The following SEPTIN7 variants were observed in gnomAD, a reference collection of about 807,000 sequenced individuals.
SEPTIN7 encodes septin 7.
SEPTIN7 carries 10 observed loss-of-function variants against 63.3 expected under a neutral mutation model. The observed-to-expected ratio is 0.16, with a 90% confidence interval of 0.10 to 0.27. The LOEUF is 0.27. Among genes scored for constraint, SEPTIN7 ranks in the 10% least tolerant of loss-of-function variants. The probability of loss-of-function intolerance (pLI) is 1.00; values close to 1 mark genes in which losing one functional copy is unlikely to be tolerated. For missense variants in SEPTIN7, 310 were observed against 521.0 expected, an observed-to-expected ratio of 0.59 and a Z score of 3.94; for synonymous variants, 131 against 165.3, an observed-to-expected ratio of 0.79 and a Z score of 1.59.
Position 35,904,809 on chromosome 7 carries a change from A to G in SEPTIN7, c.*516A>G, listed in dbSNP as rs2116405536. On this transcript the variant is annotated 3_prime_UTR_variant, in exon 14 of 14. Transcript: ENST00000350320. ...CATTGTTTAAAAATACACATGGAAA[A>G]AAAAAAAACCCTATATGCTTACTGT... is the stretch of plus-strand genomic sequence containing the variant. 6.6e-6 allele frequency: 1 copy of G among 152,600 alleles called. No homozygotes were observed. The highest frequency in any genetic ancestry group is 1.5e-5 in the Non-Finnish European group (1 of 67,984). 9.5% of individuals were successfully genotyped at this position (152,600 alleles called of 1,614,324 possible).
chr7:35,804,223 T>C (rs945497902), intron 1 of SEPTIN7, among the ~76,000 whole-genome samples: 32 of 152,228 alleles, frequency 2.1e-4, no homozygotes, highest in African/African-American at 7.2e-4. Flanking sequence ...TTTGAGAGGA[T>C]GTTATCCCCC....
intron 7 of SEPTIN7, among the ~76,000 whole-genome samples, chr7:35,881,970 G>A (rs188272229): frequency 2.1e-4 from 32 of 152,000 alleles, no homozygotes; most frequent in Admixed American, 1.6e-3. Context: ...CAATTTGTGT[G>A]TATGCACATG....
chr7:35,890,764 TAAC>T lies in SEPTIN7; in HGVS notation c.975_977del (p.Asn325del). The T allele has an allele frequency of 2.5e-6, 4 of 1,592,704 alleles. No individual in the cohort carries two copies. The South Asian group carries it at 3.4e-5, about 14-fold the overall frequency. ...CAGCTGTGACTTATAATGGAGTTGA[TAAC>T]AACAAGAATAAAGGGCAGCTGACTA... On this transcript the variant is annotated inframe_deletion, in exon 11 of 14. Transcript: ENST00000350320.
At position 35,804,491 on chromosome 7, in the gene SEPTIN7, C is replaced by A. The variant is rs1271855532; in HGVS notation, c.61+3221C>A. Among the ~76,000 whole-genome samples, 2 of 152,118 alleles carry A rather than the reference C, an allele frequency of 1.3e-5. 1 individual carries two copies. The highest frequency in any genetic ancestry group is 2.9e-5 in the Non-Finnish European group (2 of 68,030). ...CTTACACTTGGTGCAGTCCAGCTAT[C>A]CAGATGTAGGGATTACACATTGGGG... On this transcript the variant is annotated intron_variant, in intron 1 of 13. Coordinates refer to ENST00000350320, the MANE Select transcript of SEPTIN7 (RefSeq NM_001788.6).
intron 6 of SEPTIN7, among the ~76,000 whole-genome samples, chr7:35,876,381 T>A (rs1267193687): frequency 6.6e-6 from 1 of 152,218 alleles, no homozygotes; most frequent in Admixed American, 6.5e-5. Context: ...ATATCTGACA[T>A]AACAGCTTAA....
Position 35,873,695 on chromosome 7 carries a change from A to T in SEPTIN7, c.432A>T (p.Ala144=). 1 of 1,610,940 alleles carries T rather than the reference A, an allele frequency of 6.2e-7. No homozygotes were observed. Among genetic ancestry groups the T allele is most frequent in the Non-Finnish European group, 8.5e-7 (1 of 1,179,160 alleles). The change falls in exon 6 of 14, where the codon GCA becomes GCT. Residue 144 remains alanine (A), a synonymous_variant. Coordinates refer to ENST00000350320, the MANE Select transcript of SEPTIN7 (RefSeq NM_001788.6). ...GTAAATTTGAGGACTACCTAAATGCAGAATCACGAGTGAACAGACGTCAGA... is the reference window on the plus strand; with the variant it reads ...GTAAATTTGAGGACTACCTAAATGCTGAATCACGAGTGAACAGACGTCAGA... ...IDSKFEDYLN[A]ESRVNRRQMP... is the part of the protein sequence containing the mutation.
At chr7:35,904,113 A>G (rs1274003489) in intron 13 of SEPTIN7, 141 bp from the exon 14 acceptor site, 2 of 533,628 alleles carry the variant, frequency 3.7e-6, no homozygotes, top group Non-Finnish European at 6.4e-6. Context: ...GTTTACTTCT[A>G]AATCTTTTAA....
intron 3 of SEPTIN7, among the ~76,000 whole-genome samples, chr7:35,862,578 C>T (rs2116146324): frequency 6.6e-6 from 1 of 152,144 alleles, no homozygotes; most frequent in East Asian, 1.9e-4. Context: ...ATTTTTACAT[C>T]TAGTAAAAAT....
intron 2 of SEPTIN7, among the ~76,000 whole-genome samples, chr7:35,832,380 ATAAT>A (rs1372993683): frequency 6.6e-6 from 1 of 152,082 alleles, no homozygotes; most frequent in Non-Finnish European, 1.5e-5. Flanking sequence ...TGCCTGTGGT[ATAAT>A]TAGTCAGTGT....
At chr7:35,903,299 A>G in intron 13 of SEPTIN7, 84 bp downstream of exon 13, 1 of 1,438,038 alleles carries the variant, frequency 7.0e-7, no homozygotes, top group Non-Finnish European at 9.1e-7. Context: ...ACATTAGAAT[A>G]ACACTTAAAA....
intron 1 of SEPTIN7, among the ~76,000 whole-genome samples, chr7:35,808,199 T>A (rs1266943127): frequency 6.6e-6 from 1 of 151,476 alleles, no homozygotes; most frequent in Non-Finnish European, 1.5e-5. Context: ...AGAGATACAG[T>A]GAAATCTCCT....
At chr7:35,811,983 C>G (rs1562735397) in intron 1 of SEPTIN7, 2 of 183,162 alleles carry the variant, frequency 1.1e-5, no homozygotes, top group African/African-American at 2.4e-5. Flanking sequence ...AAAAATTAGC[C>G]AGACATGGTG....
In SEPTIN7 at chr7:35,899,557, A is replaced by G. The variant is rs1481694749; in HGVS notation, c.1134+1174A>G. 7 of 152,234 alleles carry G rather than the reference A, an allele frequency of 4.6e-5. No homozygotes were observed. The East Asian group carries it at 1.3e-3, about 29-fold the overall frequency. The allele number at this position is 152,234 out of a possible 1,614,324, so 9.4% of individuals were successfully genotyped here. A position where few individuals can be genotyped will look rare whatever the true frequency, so the allele number is the denominator to read the frequency against. ...CTCAAAAAACAAACAGACAAACAAA[A>G]AGCCCTATAAAATAATAAATTATTT... On this transcript the variant is annotated intron_variant, in intron 12 of 13. Transcript: ENST00000350320.
At position 35,827,796 on chromosome 7, in the gene SEPTIN7, A is replaced by T. The variant is rs144511810; in HGVS notation, c.62-3696A>T. Among the ~76,000 whole-genome samples, 33 of 152,216 alleles carry T rather than the reference A, an allele frequency of 2.2e-4. 1 individual carries two copies. In the East Asian group the frequency reaches 6.2e-3, roughly 28 times the overall value. ...TGGAGCCATTATGCCTGGCCAAATT[A>T]TTAGTATATTTTCTAAATAGTATTT... is the stretch of plus-strand genomic sequence containing the variant. On this transcript the variant is annotated intron_variant, in intron 1 of 13. Coordinates refer to ENST00000350320, the MANE Select transcript of SEPTIN7 (RefSeq NM_001788.6).
chr7:35,864,560 T>A (rs1785697440), intron 4 of SEPTIN7, among the ~76,000 whole-genome samples: 1 of 152,086 alleles, frequency 6.6e-6, no homozygotes, highest in Non-Finnish European at 1.5e-5. Flanking sequence ...GAAAAAAAAA[T>A]CTCAATAATT....
rs1244878431 is a variant in SEPTIN7 at position 35,808,213 on chromosome 7, T to TA, written c.61+6944dup. Among the ~76,000 whole-genome samples the TA allele has an allele frequency of 2.9e-5, 4 of 138,478 alleles. No homozygotes were observed. The Admixed American group carries it at 3.1e-4, about 11-fold the overall frequency. 90.8% of individuals were successfully genotyped at this position (138,478 alleles called of 152,430 possible). A position where few individuals can be genotyped will look rare whatever the true frequency, so the allele number is the denominator to read the frequency against. Reference sequence around the variant, plus strand: ...GAGAGATACAGTGAAATCTCCTTCTTACTTCTACCCCCAAGTCACCCAGTT... The same window carrying TA: ...GAGAGATACAGTGAAATCTCCTTCTTAACTTCTACCCCCAAGTCACCCAGTT... On this transcript the variant is annotated intron_variant, in intron 1 of 13. Coordinates refer to ENST00000350320, the MANE Select transcript of SEPTIN7 (RefSeq NM_001788.6).
intron 2 of SEPTIN7, chr7:35,831,987 C>G (rs1428121993): frequency 5.4e-6 from 2 of 372,010 alleles, no homozygotes; most frequent in South Asian, 2.0e-5. Context: ...CAATGAGACT[C>G]TGCTTATTCA....
intron 3 of SEPTIN7, chr7:35,847,410 G>C (rs149085538): frequency 1.4e-3 from 233 of 165,498 alleles, no homozygotes; most frequent in Non-Finnish European, 2.6e-3. Flanking sequence ...CACAGGAATA[G>C]TCAGTGGAGT....
At chr7:35,879,684 T>C (rs1248582582) in intron 6 of SEPTIN7, 139 bp from the exon 7 acceptor site, 2 of 608,118 alleles carry the variant, frequency 3.3e-6, no homozygotes, top group East Asian at 2.9e-5. Flanking sequence ...ACCTAACTTT[T>C]GCTGGCCTAA....
Sources: allele counts gnomAD v4.1 joint callset (sites outside exome capture counted in the v4.1 genomes callset), GRCh38; gene constraint gnomAD v4.1.1; transcripts MANE v1.5; gene names NCBI Gene and HGNC (gene_info 2026-07-23, HGNC 2026-07-21).